Variants in ADGRB3 observed in about 807,000 individuals in gnomAD.
ADGRB3 encodes brain-specific angiogenesis inhibitor 3.
ADGRB3 carries 37 observed loss-of-function variants against 193.4 expected under a neutral mutation model. The observed-to-expected ratio is 0.19, with a 90% confidence interval of 0.15 to 0.25. The LOEUF is 0.25. ADGRB3 is among the 10% of genes least tolerant of loss of function. The pLI is 1.00. For missense variants in ADGRB3, 1,637 were observed against 1,852.9 expected (o/e 0.88, Z 2.14); for synonymous variants, 690 against 644.2 (o/e 1.07, Z -1.08).
At chr6:69,362,824 C>G (rs1273588840) in intron 29 of ADGRB3, among the ~76,000 whole-genome samples, 2 of 151,976 alleles carry the variant, frequency 1.3e-5, no homozygotes, top group African/African-American at 4.8e-5. Context: ...ATCCCAGAGA[C>G]TTCCAGGTTT....
rs375253096 is a variant in ADGRB3 at position 69,022,708 on chromosome 6, G to A, written c.2107+4209G>A. On this transcript the variant is annotated intron_variant, in intron 13 of 31. Coordinates refer to ENST00000370598, the MANE Select transcript of ADGRB3 (RefSeq NM_001704.3). ...ACTCAAAGGATAAATCTAAACTCAT[G>A]GCTTGAAAGTATTTGGATTTCTTTT... Among the ~76,000 whole-genome samples the A allele has an allele frequency of 2.8e-4, 42 of 151,988 alleles. 1 individual carries two copies. The highest frequency in any genetic ancestry group is 9.6e-4 in the African/African-American group (40 of 41,534).
At chr6:68,909,566 C>G (rs1009205750) in intron 3 of ADGRB3, among the ~76,000 whole-genome samples, 2 of 152,156 alleles carry the variant, frequency 1.3e-5, no homozygotes, top group Non-Finnish European at 2.9e-5. Context: ...ATGTTGTTGT[C>G]ACTTCAGAAC....
chr6:69,235,732 A>T (rs898870615), intron 19 of ADGRB3, among the ~76,000 whole-genome samples: 4 of 151,922 alleles, frequency 2.6e-5, no homozygotes, highest in East Asian at 1.9e-4. Context: ...TTATTGAAAA[A>T]TTTTTTTCTA....
chr6:68,955,844 A>G (rs574529869), intron 6 of ADGRB3, among the ~76,000 whole-genome samples, 180 bp from the exon 7 acceptor site: 3 of 152,168 alleles, frequency 2.0e-5, no homozygotes, highest in Non-Finnish European at 2.9e-5. Context: ...TAAAAGTGGG[A>G]AAATAAGGTA....
chr6:69,265,807 T>C (rs967976852), intron 20 of ADGRB3, among the ~76,000 whole-genome samples: 2 of 152,010 alleles, frequency 1.3e-5, no homozygotes, highest in African/African-American at 4.8e-5. Context: ...AACCCAGATC[T>C]GTGATGGACT....
intron 17 of ADGRB3, among the ~76,000 whole-genome samples, chr6:69,178,789 T>A (rs6455311): frequency 6.6e-6 from 1 of 152,200 alleles, no homozygotes; most frequent in African/African-American, 2.4e-5. Context: ...CAGTCTCTAT[T>A]GGTTTATAAG....
intron 17 of ADGRB3, among the ~76,000 whole-genome samples, chr6:69,181,461 G>A (rs932250714): frequency 6.6e-5 from 10 of 151,946 alleles, no homozygotes; most frequent in Non-Finnish European, 1.3e-4. Context: ...CACGATATAT[G>A]CATTATAAAA....
At chr6:68,879,286 G>A (rs962891393) in intron 3 of ADGRB3, among the ~76,000 whole-genome samples, 89 of 138,580 alleles carry the variant, frequency 6.4e-4, no homozygotes, top group African/African-American at 2.4e-3. Flanking sequence ...GCAGGATCTC[G>A]GCTCACTGCA....
chr6:69,072,303 T>C (rs1772099437), intron 16 of ADGRB3, among the ~76,000 whole-genome samples: 1 of 152,156 alleles, frequency 6.6e-6, no homozygotes, highest in African/African-American at 2.4e-5. Context: ...CTCACATGTA[T>C]GGTGTTTAAA....
At chr6:69,086,139 G>T (rs917025239) in intron 17 of ADGRB3, among the ~76,000 whole-genome samples, 2 of 151,914 alleles carry the variant, frequency 1.3e-5, no homozygotes, top group African/African-American at 2.4e-5. Flanking sequence ...ATTTTGCAAA[G>T]AATGAAAACT....
intron 3 of ADGRB3, among the ~76,000 whole-genome samples, chr6:68,859,712 T>C (rs1765096817): frequency 6.6e-6 from 1 of 152,088 alleles, no homozygotes; most frequent in Non-Finnish European, 1.5e-5. Context: ...GATTCAATTA[T>C]CTCCCACCAG....
At chr6:68,758,397 T>C (rs1449374159) in intron 3 of ADGRB3, among the ~76,000 whole-genome samples, 2 of 152,124 alleles carry the variant, frequency 1.3e-5, no homozygotes, top group Non-Finnish European at 2.9e-5. Context: ...TACTATTTCT[T>C]GTTCTACCTC....
At chr6:69,121,950 G>A (rs1194588637) in intron 17 of ADGRB3, among the ~76,000 whole-genome samples, 1 of 116,832 alleles carries the variant, frequency 8.6e-6, no homozygotes, top group Non-Finnish European at 1.9e-5. Context: ...GCTGGGCAGA[G>A]GCGCTCCTCA....
At chr6:69,239,400 T>G (rs909677903) in intron 20 of ADGRB3, among the ~76,000 whole-genome samples, 174 bp downstream of exon 20, 1 of 152,074 alleles carries the variant, frequency 6.6e-6, no homozygotes, top group Non-Finnish European at 1.5e-5. Flanking sequence ...CAGTTCAGAA[T>G]GTATACCCTT....
At chr6:68,788,054 T>C (rs201309848) in intron 3 of ADGRB3, among the ~76,000 whole-genome samples, 2 of 152,226 alleles carry the variant, frequency 1.3e-5, no homozygotes, top group African/African-American at 4.8e-5. Context: ...TTTTCTTCTT[T>C]ATTAGTCTTG....
Position 68,739,046 on chromosome 6 carries a change from G to A in ADGRB3, c.757+99614G>A, listed in dbSNP as rs117460934. On this transcript the variant is annotated intron_variant, in intron 3 of 31. Transcript: ENST00000370598. ...TGTCAAGTAAAAGGAACAGGTGCAA[G>A]CAAATGTTTCAAATTCTGCTATTGG... Among the ~76,000 whole-genome samples, 460 of 152,268 alleles carry A rather than the reference G, an allele frequency of 3.0e-3. 2 individuals carry two copies. The highest frequency in any genetic ancestry group is 5.7e-3 in the Non-Finnish European group (390 of 68,018).
intron 10 of ADGRB3, among the ~76,000 whole-genome samples, chr6:68,977,574 T>G (rs191622771): frequency 6.6e-6 from 1 of 152,248 alleles, no homozygotes. Flanking sequence ...CTCAGTGAAA[T>G]AGAAGAAATG....
chr6:68,885,039 A>G (rs953498038), intron 3 of ADGRB3, among the ~76,000 whole-genome samples: 1 of 152,198 alleles, frequency 6.6e-6, no homozygotes, highest in African/African-American at 2.4e-5. Flanking sequence ...ACAGTTCAAT[A>G]CAATAATAAA....
chr6:68,958,876 T>TAATA (rs779418050), intron 8 of ADGRB3, among the ~76,000 whole-genome samples: 28,796 of 86,478 alleles, frequency 0.33, 3,520 homozygotes, highest in East Asian at 0.55. Flanking sequence ...AAATAGTGTG[T>TAATA]GTGTGTGTGT....
Sources: gnomAD v4.1 joint callset for allele counts (sites outside exome capture counted in the v4.1 genomes callset) on GRCh38, gnomAD v4.1.1 for gene constraint, MANE v1.5 for transcripts, NCBI Gene and HGNC (gene_info 2026-07-23, HGNC 2026-07-21) for gene names.